MAPRE2: variants seen among roughly 807,000 people sequenced by gnomAD.
The protein encoded by MAPRE2 is microtubule associated protein RP/EB family member 2, also known as microtubule-associated protein RP/EB family member 2.
MAPRE2 carries 13 observed loss-of-function variants against 43.2 expected under a neutral mutation model. The observed-to-expected ratio is 0.30, with a 90% CI of 0.20 to 0.48. The LOEUF (loss-of-function observed/expected upper bound fraction) is 0.48, where lower values mean the gene tolerates loss of function less well. MAPRE2 is among the 20% of genes least tolerant of loss of function. The pLI is 0.99. For missense variants in MAPRE2, 161 were observed against 400.2 expected (o/e 0.40, Z 5.10); for synonymous variants, 135 against 148.8 (o/e 0.91, Z 0.68).
chr18:35,113,043 TA>T lies in MAPRE2; in HGVS notation c.610+10885del, dbSNP rs577946618. 3.9e-4 allele frequency among the ~76,000 whole-genome samples: 60 copies of T among 152,284 alleles called. No homozygotes were observed. The South Asian group carries it at 0.011, about 27-fold the overall frequency. ...TCATGAGGGATCTGCCCTCACAACC[TA>T]GTTACCTCCCAAAGGCCCCACCTCT... On this transcript the variant is annotated intron_variant, in intron 4 of 6. Coordinates refer to ENST00000300249, the MANE Select transcript of MAPRE2 (RefSeq NM_014268.4).
chr18:35,139,235 C>T (rs556632173), intron 6 of MAPRE2, among the ~76,000 whole-genome samples: 38 of 152,288 alleles, frequency 2.5e-4, no homozygotes, highest in Admixed American at 6.5e-4. Flanking sequence ...GTTCAGTGCT[C>T]GGGAGCCAGC....
intron 2 of MAPRE2, among the ~76,000 whole-genome samples, chr18:35,034,650 C>G (rs949112606): frequency 8.6e-4 from 131 of 152,010 alleles, no homozygotes; most frequent in African/African-American, 2.9e-3. Context: ...ACAATGAACT[C>G]AAACAAATTT....
At chr18:35,084,541 T>A (rs1907782579) in intron 2 of MAPRE2, among the ~76,000 whole-genome samples, 1 of 152,226 alleles carries the variant, frequency 6.6e-6, no homozygotes, top group African/African-American at 2.4e-5. Context: ...GAATGATTAT[T>A]ACTAGCTTAT....
At chr18:35,055,565 A>ATGTGTGTGTATG (rs1568986583) in intron 1 of MAPRE2, among the ~76,000 whole-genome samples, 3 of 72,498 alleles carry the variant, frequency 4.1e-5, no homozygotes, top group African/African-American at 1.2e-4. Flanking sequence ...GTGTGTGTGT[A>ATGTGTGTGTATG]TGTGTGTGTG....
intron 2 of MAPRE2, among the ~76,000 whole-genome samples, chr18:35,024,331 T>G (rs1047686598): frequency 2.0e-5 from 3 of 152,312 alleles, no homozygotes; most frequent in Admixed American, 6.5e-5. Flanking sequence ...CTCCAACCCC[T>G]CTGTAAATGA....
intron 2 of MAPRE2, among the ~76,000 whole-genome samples, chr18:35,011,561 A>G (rs561837336): frequency 6.6e-6 from 1 of 152,280 alleles, no homozygotes; most frequent in East Asian, 1.9e-4. Context: ...CGTAGAGGTA[A>G]AACTACCTGT....
intron 6 of MAPRE2, among the ~76,000 whole-genome samples, chr18:35,134,148 A>C (rs1011693504): frequency 7.2e-5 from 11 of 152,318 alleles, no homozygotes; most frequent in African/African-American, 2.6e-4. Flanking sequence ...TCTCTAGAGA[A>C]TCCTATTAGG....
In MAPRE2 at chr18:35,141,976, G is replaced by A. The variant is rs1473050579; in HGVS notation, c.*1607G>A. ...CTTTTGCAGCAAAGTGATATTTATT[G>A]AGTTATGTGGAAAAGATGGCTTGTA... On this transcript the variant is annotated 3_prime_UTR_variant, in exon 7 of 7. Transcript: ENST00000300249. The A allele has an allele frequency of 1.3e-5, 2 of 152,198 alleles. No homozygotes were observed. The highest frequency in any genetic ancestry group is 3.8e-4 in the East Asian group (2 of 5,196). The allele number at this position is 152,198 out of a possible 1,614,324, so 9.4% of individuals were successfully genotyped here.
At chr18:34,991,275 T>G (rs1399998056) in intron 1 of MAPRE2, among the ~76,000 whole-genome samples, 3 of 152,176 alleles carry the variant, frequency 2.0e-5, no homozygotes, top group African/African-American at 7.2e-5. Context: ...GTGTACCCAC[T>G]GTTTAGCTCC....
intron 2 of MAPRE2, among the ~76,000 whole-genome samples, chr18:35,018,758 T>C (rs1477050527): frequency 6.6e-6 from 1 of 152,042 alleles, no homozygotes; most frequent in African/African-American, 2.4e-5. Flanking sequence ...TTGTTTATCT[T>C]TTCAAAGAAT....
chr18:35,058,574 A>G (rs1019609238), intron 1 of MAPRE2, among the ~76,000 whole-genome samples: 5 of 152,212 alleles, frequency 3.3e-5, no homozygotes, highest in South Asian at 2.1e-4. Context: ...TCAAATCTGT[A>G]GTAACTAGAA....
chr18:35,132,874 G>C (rs1910222683), intron 6 of MAPRE2, among the ~76,000 whole-genome samples: 1 of 152,024 alleles, frequency 6.6e-6, no homozygotes, highest in African/African-American at 2.4e-5. Flanking sequence ...GCATGGCAGA[G>C]ACTGAGGCAA....
chr18:35,033,443 A>G (rs1222217024), intron 2 of MAPRE2, among the ~76,000 whole-genome samples: 2 of 149,510 alleles, frequency 1.3e-5, no homozygotes, highest in African/African-American at 4.9e-5. Flanking sequence ...TCCCTTTGAA[A>G]ACTGGCACAA....
At chr18:35,052,338 C>G (rs1905982311) in intron 1 of MAPRE2, among the ~76,000 whole-genome samples, 1 of 152,198 alleles carries the variant, frequency 6.6e-6, no homozygotes, top group South Asian at 2.1e-4. Context: ...TCATTAGTGT[C>G]TGACTACTTT....
At chr18:35,044,576 GC>G (rs1905527324) in intron 1 of MAPRE2, among the ~76,000 whole-genome samples, 1 of 152,180 alleles carries the variant, frequency 6.6e-6, no homozygotes, top group African/African-American at 2.4e-5. Context: ...AAAATATCTA[GC>G]CCCCGTTGTT....
chr18:34,996,965 A>G (rs995458849), intron 1 of MAPRE2, among the ~76,000 whole-genome samples: 9 of 152,198 alleles, frequency 5.9e-5, no homozygotes, highest in Non-Finnish European at 4.4e-5. Flanking sequence ...TCATGCAAGA[A>G]ACAAGCTTCC....
At chr18:35,047,402 C>A (rs1335439370) in intron 1 of MAPRE2, among the ~76,000 whole-genome samples, 2 of 152,146 alleles carry the variant, frequency 1.3e-5, no homozygotes, top group Admixed American at 1.3e-4. Flanking sequence ...CCACACACAT[C>A]CCATTGGTAT....
intron 5 of MAPRE2, chr18:35,127,390 C>T (rs1231373504): frequency 1.4e-5 from 4 of 280,312 alleles, no homozygotes; most frequent in East Asian, 8.0e-5. Flanking sequence ...CAGGCTAGAC[C>T]GTTGCCCATC....
At chr18:35,016,838 T>C (rs957278759) in intron 2 of MAPRE2, among the ~76,000 whole-genome samples, 9 of 152,070 alleles carry the variant, frequency 5.9e-5, no homozygotes, top group Admixed American at 5.2e-4. Flanking sequence ...TTTGTTTTTG[T>C]TGCATTTGAC....
Sources: gnomAD v4.1 joint callset for allele counts (sites outside exome capture counted in the v4.1 genomes callset) on GRCh38, gnomAD v4.1.1 for gene constraint, MANE v1.5 for transcripts, NCBI Gene and HGNC (gene_info 2026-07-23, HGNC 2026-07-21) for gene names.